The following DCLK1 variants were observed in gnomAD, a reference collection of about 807,000 sequenced individuals.
DCLK1 encodes the protein serine/threonine-protein kinase DCLK1.
A neutral mutation model predicts 86.2 loss-of-function variants in DCLK1; 16 were observed. That is an observed-to-expected ratio of 0.19 (90% CI 0.13 to 0.28). The LOEUF (loss-of-function observed/expected upper bound fraction) is 0.28, where lower values mean the gene tolerates loss of function less well. Ranked by LOEUF, DCLK1 falls within the 10% of genes least tolerant of loss-of-function variation. The probability of loss-of-function intolerance (pLI) is 1.00; values close to 1 mark genes in which losing one functional copy is unlikely to be tolerated. For synonymous variants in DCLK1, 369 were observed against 370.5 expected, an observed-to-expected ratio of 1.00 and a Z score of 0.05; for missense variants, 590 against 940.2, an observed-to-expected ratio of 0.63 and a Z score of 4.87.
At chr13:35,790,335 C>A (rs1025551471) in intron 16 of DCLK1, among the ~76,000 whole-genome samples, 2 of 152,090 alleles carry the variant, frequency 1.3e-5, no homozygotes, top group Admixed American at 1.3e-4. Context: ...GTCACAGATT[C>A]TCTGATGAGC....
chr13:35,917,689 G>A (rs992278678), intron 4 of DCLK1, among the ~76,000 whole-genome samples: 1 of 152,198 alleles, frequency 6.6e-6, no homozygotes, highest in East Asian at 1.9e-4. Context: ...TACTGAATTC[G>A]AAACCCAGCT....
At chr13:36,081,721 A>G (rs1489330879) in intron 3 of DCLK1, among the ~76,000 whole-genome samples, 1 of 152,210 alleles carries the variant, frequency 6.6e-6, no homozygotes, top group Non-Finnish European at 1.5e-5. Flanking sequence ...GGATTGCATC[A>G]AACCATTGCT....
At chr13:35,837,801 C>T (rs7327659) in intron 7 of DCLK1, among the ~76,000 whole-genome samples, 1 of 151,846 alleles carries the variant, frequency 6.6e-6, no homozygotes, top group Non-Finnish European at 1.5e-5. Context: ...TGTGGTGGCT[C>T]ATGCCTGTAA....
chr13:35,914,662 G>A (rs2153125527), intron 4 of DCLK1, among the ~76,000 whole-genome samples: 1 of 151,152 alleles, frequency 6.6e-6, no homozygotes, highest in Middle Eastern at 3.4e-3. Flanking sequence ...GCTGCAGTGA[G>A]CTGTGATCAC....
intron 3 of DCLK1, among the ~76,000 whole-genome samples, chr13:36,017,964 T>G (rs1213685385): frequency 1.3e-5 from 2 of 152,190 alleles, no homozygotes; most frequent in African/African-American, 4.8e-5. Flanking sequence ...ATGAGGTCAG[T>G]TCTAGATGAT....
chr13:35,988,835 T>C (rs1012447523), intron 3 of DCLK1, among the ~76,000 whole-genome samples: 1 of 152,214 alleles, frequency 6.6e-6, no homozygotes, highest in Non-Finnish European at 1.5e-5. Flanking sequence ...AGCTCATTCA[T>C]TATTCATTTG....
chr13:35,918,833 A>G (rs1875592245), intron 4 of DCLK1, among the ~76,000 whole-genome samples: 1 of 142,658 alleles, frequency 7.0e-6, no homozygotes, highest in African/African-American at 2.6e-5. Flanking sequence ...AAGTGCTCCT[A>G]TTTAATTAAT....
chr13:35,894,534 T>C (rs1873835457), intron 4 of DCLK1, among the ~76,000 whole-genome samples: 1 of 115,038 alleles, frequency 8.7e-6, no homozygotes, highest in African/African-American at 3.4e-5. Flanking sequence ...AATCTTATCT[T>C]TGAGCAGTGC....
intron 3 of DCLK1, among the ~76,000 whole-genome samples, chr13:36,072,642 TAGAAAA>T (rs1338282811): frequency 2.6e-5 from 4 of 152,126 alleles, no homozygotes; most frequent in African/African-American, 7.2e-5. Context: ...CCCCAGCCTC[TAGAAAA>T]TCACTAACAC....
chr13:35,976,284 A>T (rs1879323707), intron 3 of DCLK1, among the ~76,000 whole-genome samples: 1 of 152,078 alleles, frequency 6.6e-6, no homozygotes, highest in South Asian at 2.1e-4. Flanking sequence ...GTGATGCTAC[A>T]GAGAGAGAGG....
chr13:35,854,881 CA>C (rs1305285457), intron 5 of DCLK1, among the ~76,000 whole-genome samples: 1 of 152,178 alleles, frequency 6.6e-6, no homozygotes, highest in East Asian at 1.9e-4. Flanking sequence ...ACTGTGCCAG[CA>C]GGGACTTTAG....
intron 5 of DCLK1, among the ~76,000 whole-genome samples, chr13:35,867,933 G>GAAAGAAAGAAAGAAAGAAAT (rs1871951152): frequency 7.5e-6 from 1 of 132,902 alleles, no homozygotes; most frequent in South Asian, 2.4e-4. Flanking sequence ...AAGAAAGAAA[G>GAAAGAAAGAAAGAAAGAAAT]AAAGAAAGAA....
intron 3 of DCLK1, among the ~76,000 whole-genome samples, chr13:36,023,862 C>T (rs1205218737): frequency 3.3e-5 from 5 of 150,834 alleles, no homozygotes; most frequent in African/African-American, 4.9e-5. Flanking sequence ...ATTGGGAACA[C>T]GATGAAGATG....
At chr13:35,820,403 T>C (rs897348332) in intron 11 of DCLK1, among the ~76,000 whole-genome samples, 2 of 151,958 alleles carry the variant, frequency 1.3e-5, no homozygotes, top group African/African-American at 2.4e-5. Context: ...GGAGAGAACA[T>C]TTTTTTTCTT....
At chr13:35,985,071 C>T (rs887125369) in intron 3 of DCLK1, among the ~76,000 whole-genome samples, 12 of 152,212 alleles carry the variant, frequency 7.9e-5, no homozygotes, top group African/African-American at 2.9e-4. Flanking sequence ...TGTCAATCCA[C>T]ATGTGAGTGT....
At chr13:35,983,143 A>C (rs2153142035) in intron 3 of DCLK1, among the ~76,000 whole-genome samples, 1 of 151,120 alleles carries the variant, frequency 6.6e-6, no homozygotes, top group South Asian at 2.1e-4. Flanking sequence ...TTATTATTTT[A>C]GAGACAGGGT....
chr13:35,869,249 A>T (rs1012461231), intron 5 of DCLK1: 2 of 405,892 alleles, frequency 4.9e-6, no homozygotes, highest in South Asian at 1.9e-5. Flanking sequence ...CATTCTGTGG[A>T]GGTCCTCTTC....
intron 3 of DCLK1, among the ~76,000 whole-genome samples, chr13:36,068,327 T>C (rs980675203): frequency 6.6e-6 from 1 of 152,128 alleles, no homozygotes. Context: ...TGGTCTCAAG[T>C]TAAAAATAAG....
intron 4 of DCLK1, among the ~76,000 whole-genome samples, chr13:35,926,404 C>T (rs546577882): frequency 6.6e-6 from 1 of 152,316 alleles, no homozygotes; most frequent in East Asian, 1.9e-4. Flanking sequence ...TCTTATTCCA[C>T]TCAACAGTGC....
Sources: gnomAD v4.1 joint callset for allele counts (sites outside exome capture counted in the v4.1 genomes callset) on GRCh38, gnomAD v4.1.1 for gene constraint, MANE v1.5 for transcripts, NCBI Gene and HGNC (gene_info 2026-07-23, HGNC 2026-07-21) for gene names.